The following RARB variants were observed in gnomAD, a reference collection of about 807,000 sequenced individuals.
RARB encodes HBV-activated protein.
Under a neutral mutation model 51.9 loss-of-function variants are expected in RARB, and 17 were observed. The observed-to-expected ratio is 0.33, with a 90% CI of 0.22 to 0.49. The LOEUF is 0.49. RARB is among the 20% of genes least tolerant of loss of function. The probability of loss-of-function intolerance (pLI) is 0.99; values close to 1 mark genes in which losing one functional copy is unlikely to be tolerated. For synonymous variants in RARB, 215 were observed against 195.4 expected (o/e 1.10, Z -0.84); for missense variants, 369 against 550.8 (o/e 0.67, Z 3.30).
chr3:24,943,569 G>A (rs1695714779), intron 2 of RARB, among the ~76,000 whole-genome samples: 1 of 152,210 alleles, frequency 6.6e-6, no homozygotes, highest in Non-Finnish European at 1.5e-5. Flanking sequence ...TCTAGCTTGA[G>A]TTAGTGCTAG....
chr3:25,224,294 C>T (rs755394566), intron 5 of RARB, among the ~76,000 whole-genome samples: 4 of 152,122 alleles, frequency 2.6e-5, no homozygotes, highest in Non-Finnish European at 5.9e-5. Context: ...AAGAGGACTG[C>T]TAGTATGCAG....
At chr3:24,842,609 C>A (rs1251581918) in intron 1 of RARB, among the ~76,000 whole-genome samples, 1 of 152,100 alleles carries the variant, frequency 6.6e-6, no homozygotes, top group Non-Finnish European at 1.5e-5. Flanking sequence ...CTTGAGAAAT[C>A]CTGGGTACTT....
chr3:25,158,713 G>T (rs1038823587), intron 4 of RARB, among the ~76,000 whole-genome samples: 1 of 152,068 alleles, frequency 6.6e-6, no homozygotes, highest in South Asian at 2.1e-4. Flanking sequence ...ACATAGATCT[G>T]CACATTTCAG....
intron 2 of RARB, among the ~76,000 whole-genome samples, chr3:24,979,659 A>T (rs1575102849): frequency 6.6e-6 from 1 of 151,102 alleles, no homozygotes; most frequent in African/African-American, 2.4e-5. Flanking sequence ...TTTTGAGCCT[A>T]TGTGTGTCTT....
chr3:25,147,498 G>A (rs932187356), intron 4 of RARB, among the ~76,000 whole-genome samples: 1 of 152,146 alleles, frequency 6.6e-6, no homozygotes, highest in Non-Finnish European at 1.5e-5. Flanking sequence ...ATTTTCCTGG[G>A]TTGTGTTGAA....
chr3:25,011,202 A>G (rs1384675445), intron 2 of RARB, among the ~76,000 whole-genome samples: 1 of 152,150 alleles, frequency 6.6e-6, no homozygotes, highest in Non-Finnish European at 1.5e-5. Flanking sequence ...AAGGGAATGA[A>G]CAATAAAGGG....
chr3:25,502,164 C>T (rs1226518392), intron 3 of RARB, among the ~76,000 whole-genome samples: 1 of 152,178 alleles, frequency 6.6e-6, no homozygotes, highest in Non-Finnish European at 1.5e-5. Flanking sequence ...GTGCTGTGCA[C>T]ATGTGAGCAG....
chr3:25,106,537 A>G (rs1389234200), intron 3 of RARB, among the ~76,000 whole-genome samples: 2 of 146,360 alleles, frequency 1.4e-5, no homozygotes, highest in Non-Finnish European at 3.0e-5. Context: ...TCCTGGGCTC[A>G]AGCAATCTGC....
At chr3:25,239,365 A>G (rs942924415) in intron 5 of RARB, among the ~76,000 whole-genome samples, 1 of 152,146 alleles carries the variant, frequency 6.6e-6, no homozygotes, top group Non-Finnish European at 1.5e-5. Context: ...CTTAGCCATA[A>G]TATCTTTCCC....
intron 4 of RARB, among the ~76,000 whole-genome samples, chr3:25,150,834 T>C (rs1451213329): frequency 1.3e-5 from 2 of 152,230 alleles, no homozygotes; most frequent in African/African-American, 4.8e-5. Flanking sequence ...GACCGCAGTG[T>C]TGGCTCTCTT....
chr3:25,395,387 C>A (rs1227444138), intron 5 of RARB, among the ~76,000 whole-genome samples: 3 of 152,050 alleles, frequency 2.0e-5, no homozygotes, highest in Admixed American at 1.3e-4. Flanking sequence ...AGGTGATGAT[C>A]TTTTTTTGCA....
intron 3 of RARB, among the ~76,000 whole-genome samples, chr3:25,061,010 G>A (rs2125303897): frequency 6.6e-6 from 1 of 151,896 alleles, no homozygotes; most frequent in East Asian, 1.9e-4. Context: ...TACATCATAT[G>A]GATCCCCTTA....
chr3:25,423,083 GC>G lies in RARB; in HGVS notation c.179-38106del, dbSNP rs1379656166. 2.0e-5 allele frequency among the ~76,000 whole-genome samples: 3 copies of G among 152,170 alleles called. No homozygotes were observed. In the East Asian group the frequency reaches 5.8e-4, roughly 29 times the overall value. ...TGCAAAGCCTAAAATATTTCCAGTG[GC>G]CCCGTACAGAAAATGTTTGCTGACC... is the stretch of plus-strand genomic sequence containing the variant. On this transcript the variant is annotated intron_variant, in intron 5 of 11. Transcript: ENST00000383772.
chr3:25,349,724 A>G (rs1409818910), intron 5 of RARB, among the ~76,000 whole-genome samples: 7 of 152,194 alleles, frequency 4.6e-5, no homozygotes, highest in Non-Finnish European at 8.8e-5. Flanking sequence ...GTGTCTTTTA[A>G]TTTTGAAATT....
intron 2 of RARB, among the ~76,000 whole-genome samples, chr3:24,873,704 A>G (rs1475571065): frequency 6.6e-6 from 1 of 151,286 alleles, no homozygotes; most frequent in East Asian, 1.9e-4. Context: ...ACAGCTATAA[A>G]TTTTCCCCAA....
At chr3:25,067,210 T>C (rs944356817) in intron 3 of RARB, among the ~76,000 whole-genome samples, 3 of 152,014 alleles carry the variant, frequency 2.0e-5, no homozygotes, top group Non-Finnish European at 4.4e-5. Context: ...TTAAAGGCAA[T>C]TGAAACCAGA....
chr3:25,585,640 G>T (rs905519572), intron 5 of RARB, among the ~76,000 whole-genome samples: 1 of 152,162 alleles, frequency 6.6e-6, no homozygotes, highest in Non-Finnish European at 1.5e-5. Flanking sequence ...ATGCGTGGGT[G>T]GTGCAACCAG....
chr3:25,000,897 T>C (rs1697145269), intron 2 of RARB, among the ~76,000 whole-genome samples: 1 of 152,136 alleles, frequency 6.6e-6, no homozygotes, highest in South Asian at 2.1e-4. Context: ...ATTGTGACTT[T>C]TTCAACAGAA....
intron 3 of RARB, among the ~76,000 whole-genome samples, chr3:25,091,034 TG>T (rs528096868): frequency 6.6e-6 from 1 of 152,184 alleles, no homozygotes; most frequent in African/African-American, 2.4e-5. Flanking sequence ...ATTATTTAAT[TG>T]GGGAATGGGT....
Sources: gnomAD v4.1 joint callset for allele counts (sites outside exome capture counted in the v4.1 genomes callset) on GRCh38, gnomAD v4.1.1 for gene constraint, MANE v1.5 for transcripts, NCBI Gene and HGNC (gene_info 2026-07-23, HGNC 2026-07-21) for gene names.